Variants in B3GALNT2 observed in about 807,000 individuals in gnomAD.
B3GALNT2 encodes UDP-GalNAc:beta-1,3-N-acetylgalactosaminyltransferase 2.
In B3GALNT2, 53 loss-of-function variants were observed where a neutral mutation model predicts 61.1. That is an observed-to-expected ratio of 0.87 (90% CI 0.70 to 1.09). The LOEUF (loss-of-function observed/expected upper bound fraction) is 1.09, where lower values mean the gene tolerates loss of function less well. Ranked by LOEUF, B3GALNT2 falls within the 50% of genes least tolerant of loss-of-function variation. The pLI is 0.00. For missense variants in B3GALNT2, 544 were observed against 623.0 expected (o/e 0.87, Z 1.35); for synonymous variants, 223 against 237.4 (o/e 0.94, Z 0.56).
chr1:235,456,138 A>G (rs1359802763), intron 8 of B3GALNT2, among the ~76,000 whole-genome samples: 1 of 152,236 alleles, frequency 6.6e-6, no homozygotes, highest in Non-Finnish European at 1.5e-5. Context: ...TGCTATTTAT[A>G]TTACACTCAA....
intron 9 of B3GALNT2, among the ~76,000 whole-genome samples, 188 bp downstream of exon 9, chr1:235,455,370 CA>C (rs1380929464): frequency 1.3e-5 from 2 of 151,788 alleles, no homozygotes; most frequent in Non-Finnish European, 2.9e-5. Context: ...TCAGCCTTCC[CA>C]AAACTCTGGG....
intron 1 of B3GALNT2, among the ~76,000 whole-genome samples, chr1:235,500,711 C>G (rs912407152): frequency 6.6e-6 from 1 of 152,180 alleles, no homozygotes; most frequent in African/African-American, 2.4e-5. Context: ...AAACACCACA[C>G]TAGCACAGGC....
At chr1:235,478,114 T>G (rs1160177761) in intron 5 of B3GALNT2, among the ~76,000 whole-genome samples, 1 of 152,086 alleles carries the variant, frequency 6.6e-6, no homozygotes, top group Non-Finnish European at 1.5e-5. Context: ...GAGTGCAGTG[T>G]TGCAATCTTG....
At chr1:235,479,578 CAG>C in intron 5 of B3GALNT2, 1 of 155,626 alleles carries the variant, frequency 6.4e-6, no homozygotes, top group Admixed American at 6.2e-5. Context: ...GGTACATTTT[CAG>C]GCTATCATCC....
Position 235,504,443 on chromosome 1 carries a change from G to GCCAC in B3GALNT2, c.-192_-191insGTGG. On this transcript the variant is annotated 5_prime_UTR_variant, in exon 1 of 12. Transcript: ENST00000366600. ...CCTCCGGTCCCTCAGACCGCGGGTG[G>GCCAC]CCGCGGCTTAGCCGGCCGAAGCCCC... 1 of 549,328 alleles carries GCCAC rather than the reference G, an allele frequency of 1.8e-6. No homozygotes were observed. The highest frequency in any genetic ancestry group is 2.9e-6 in the Non-Finnish European group (1 of 345,450). 34.0% of individuals were successfully genotyped at this position (549,328 alleles called of 1,614,324 possible). A position where few individuals can be genotyped will look rare whatever the true frequency, so the allele number is the denominator to read the frequency against.
At chr1:235,452,633 C>T (rs184563167) in intron 11 of B3GALNT2, among the ~76,000 whole-genome samples, 3 of 151,990 alleles carry the variant, frequency 2.0e-5, no homozygotes, top group South Asian at 2.1e-4. Context: ...CCTGCACCCT[C>T]GACCTCCCAG....
chr1:235,458,478 A>T, intron 8 of B3GALNT2, 125 bp downstream of exon 8: 1 of 1,264,638 alleles, frequency 7.9e-7, no homozygotes, highest in South Asian at 1.9e-5. Context: ...TGCACTCAGG[A>T]GTTCAAGACC....
chr1:235,462,982 T>C (rs1683501168), intron 7 of B3GALNT2, among the ~76,000 whole-genome samples: 1 of 152,196 alleles, frequency 6.6e-6, no homozygotes, highest in Admixed American at 6.5e-5. Context: ...CCAGCCCAAA[T>C]GCCCATCAAT....
chr1:235,474,981 A>ATTTTTT (rs1558425458), intron 5 of B3GALNT2, among the ~76,000 whole-genome samples: 1 of 37,472 alleles, frequency 2.7e-5, no homozygotes, highest in African/African-American at 1.5e-4. Context: ...ATATATATAT[A>ATTTTTT]TATATATTTT....
rs543665933 is a variant in B3GALNT2, at chr1:235,452,105, C to T, written c.1368+985G>A. On this transcript the variant is annotated intron_variant, in intron 11 of 11. Transcript: ENST00000366600. ...TTGGCTCACTGCAAGCTCTGCCCCCCGGGTTCATGCCATTCTCCTGCCTCA... is the reference window on the plus strand; with the variant it reads ...TTGGCTCACTGCAAGCTCTGCCCCCTGGGTTCATGCCATTCTCCTGCCTCA... 3 of 152,242 alleles carry T rather than the reference C, an allele frequency of 2.0e-5. No individual in the cohort carries two copies. In the East Asian group the frequency reaches 5.8e-4, roughly 29 times the overall value. The allele number at this position is 152,242 out of a possible 1,614,324, so 9.4% of individuals were successfully genotyped here.
chr1:235,497,982 T>C (rs941126667), intron 1 of B3GALNT2, among the ~76,000 whole-genome samples: 2 of 152,216 alleles, frequency 1.3e-5, no homozygotes, highest in Non-Finnish European at 2.9e-5. Context: ...TCAACTGCTT[T>C]ACTTTACATG....
At chr1:235,456,526 T>C (rs1373430933) in intron 8 of B3GALNT2, among the ~76,000 whole-genome samples, 3 of 152,234 alleles carry the variant, frequency 2.0e-5, no homozygotes, top group Non-Finnish European at 4.4e-5. Context: ...GCATACATAA[T>C]ATTTGCTAAT....
intron 5 of B3GALNT2, among the ~76,000 whole-genome samples, chr1:235,477,343 T>C (rs140008184): frequency 3.0e-4 from 45 of 152,268 alleles, no homozygotes; most frequent in Middle Eastern, 3.4e-3. Flanking sequence ...AATACAGATA[T>C]CATGAATTTT....
At chr1:235,440,128 A>T in the B3GALNT2 span, among the ~76,000 whole-genome samples, 3 of 151,266 alleles carry the variant, frequency 2.0e-5, no homozygotes, top group Non-Finnish European at 2.9e-5. Context: ...CCACCACCAC[A>T]CCCGGCTAAT....
rs1685722528 is a variant in B3GALNT2, at chr1:235,504,153, C to T, written c.100G>A (p.Ala34Thr). 2.3e-6 allele frequency: 3 copies of T among 1,287,100 alleles called. No homozygotes were observed. Among genetic ancestry groups the T allele is most frequent in the East Asian group, 6.4e-5 (2 of 31,184 alleles). 79.7% of individuals were successfully genotyped at this position (1,287,100 alleles called of 1,614,324 possible). Residue 34 changes from alanine to threonine, a missense_variant, in exon 1 of 12, where the codon GCC becomes ACC. Ala to Thr is a moderately conservative substitution (Grantham distance 58). Transcript: ENST00000366600. ...CCCAGGACCTCACCTGCAGGGCCGG[C>T]CCCGGAGGCGCAGGCGGGCGGCGGG... ...RSPPPACASG[A>T]GPADQLALFP...
At position 235,465,661 on chromosome 1, in the gene B3GALNT2, T is replaced by C. The variant is rs753912501; in HGVS notation, c.816A>G (p.Ala272=). The change falls in exon 7 of 12, where the codon GCA becomes GCG. Residue 272 remains alanine, a synonymous_variant. Transcript: ENST00000366600. ...CCTGAATAGTATATATAAAACCACC[T>C]GCAACTCCCTCCACACCTTCCAAGA... is the stretch of plus-strand genomic sequence containing the variant. ...HEFLEGVEGV[A]GGFIYTIQEG... is the part of the protein sequence containing the mutation. The C allele has an allele frequency of 1.9e-6, 3 of 1,613,936 alleles. No individual in the cohort carries two copies. Among genetic ancestry groups the C allele is most frequent in the East Asian group, 2.2e-5 (1 of 44,878 alleles).
At chr1:235,441,536 G>A in the B3GALNT2 span, 1 of 471,938 alleles carries the variant, frequency 2.1e-6, no homozygotes, top group Middle Eastern at 5.6e-4. Flanking sequence ...TAAACATGTT[G>A]CTTTTCATTT....
intron 6 of B3GALNT2, among the ~76,000 whole-genome samples, chr1:235,468,450 C>CTTT (rs58494716): frequency 1.3e-4 from 11 of 87,384 alleles, no homozygotes; most frequent in African/African-American, 2.1e-4. Context: ...AGAAACCTAC[C>CTTT]TTTTTTTTTT....
At chr1:235,466,526 T>C (rs1407413518) in intron 6 of B3GALNT2, among the ~76,000 whole-genome samples, 1 of 152,160 alleles carries the variant, frequency 6.6e-6, no homozygotes, top group Non-Finnish European at 1.5e-5. Flanking sequence ...CTAATATTTA[T>C]AAATTTTTTG....
Sources: gnomAD v4.1 joint callset for allele counts (sites outside exome capture counted in the v4.1 genomes callset) on GRCh38, gnomAD v4.1.1 for gene constraint, MANE v1.5 for transcripts, NCBI Gene and HGNC (gene_info 2026-07-23, HGNC 2026-07-21) for gene names.